CSMD1: variants seen among roughly 807,000 people sequenced by gnomAD.
The protein encoded by CSMD1 is CUB and sushi domain-containing protein 1.
In CSMD1, 213 loss-of-function variants were observed where a neutral mutation model predicts 417.5. The observed-to-expected ratio is 0.51, with a 90% CI of 0.46 to 0.57. The LOEUF is 0.57. CSMD1 is among the 20% of genes least tolerant of loss of function. The pLI is 0.00. For synonymous variants in CSMD1, 2,862 were observed against 1,736.8 expected (o/e 1.65, Z -16.11); for missense variants, 6,923 against 4,529.7 (o/e 1.53, Z -15.17).
intron 3 of CSMD1, among the ~76,000 whole-genome samples, chr8:4,283,474 C>A (rs899458149): frequency 6.6e-6 from 1 of 152,194 alleles, no homozygotes; most frequent in Middle Eastern, 3.2e-3. Context: ...TTTACTCCCA[C>A]TTTGTACCAA....
At chr8:4,444,880 G>A (rs529752478) in intron 2 of CSMD1, among the ~76,000 whole-genome samples, 1 of 152,240 alleles carries the variant, frequency 6.6e-6, no homozygotes, top group African/African-American at 2.4e-5. Context: ...CAAGGTAATT[G>A]ATTGTTCAGA....
chr8:3,774,046 C>A (rs1426515944), intron 5 of CSMD1, among the ~76,000 whole-genome samples: 1 of 152,074 alleles, frequency 6.6e-6, no homozygotes, highest in Non-Finnish European at 1.5e-5. Context: ...CATTCTTGGG[C>A]TTTTGCTATT....
At chr8:3,956,965 G>T (rs187525345) in intron 5 of CSMD1, among the ~76,000 whole-genome samples, 1 of 151,914 alleles carries the variant, frequency 6.6e-6, no homozygotes, top group South Asian at 2.1e-4. Context: ...ATACGGAAAG[G>T]TTGGACCTGT....
intron 10 of CSMD1, among the ~76,000 whole-genome samples, chr8:3,527,857 A>T (rs183833691): frequency 6.6e-6 from 1 of 152,326 alleles, no homozygotes; most frequent in East Asian, 1.9e-4. Context: ...AGAGAGATAC[A>T]TTTAGAAACA....
intron 1 of CSMD1, among the ~76,000 whole-genome samples, chr8:4,862,604 A>T (rs2116879495): frequency 6.6e-6 from 1 of 152,226 alleles, no homozygotes; most frequent in South Asian, 2.1e-4. Flanking sequence ...AAGATAAAAA[A>T]TTGGAATACG....
Position 3,565,174 on chromosome 8 carries a change from A to ATC in CSMD1, c.1344+9770_1344+9771insGA, listed in dbSNP as rs1451922585. On this transcript the variant is annotated intron_variant, in intron 10 of 69. Transcript: ENST00000635120. ...AAAAAAAAAAAAGAGAGAGATCAAG[A>ATC]AAGAAAGAAAGATACATAGATAGAC... Among the ~76,000 whole-genome samples the ATC allele has an allele frequency of 7.4e-4, 34 of 46,106 alleles. 1 individual carries two copies. Among genetic ancestry groups the ATC allele is most frequent in the South Asian group, 1.1e-3 (2 of 1,854 alleles). 30.2% of individuals were successfully genotyped at this position (46,106 alleles called of 152,430 possible).
At chr8:4,746,451 C>G (rs138297815) in intron 1 of CSMD1, among the ~76,000 whole-genome samples, 5 of 152,294 alleles carry the variant, frequency 3.3e-5, no homozygotes, top group African/African-American at 1.2e-4. Context: ...ACTTGCTCAC[C>G]ACAATATCAG....
chr8:4,376,345 A>C (rs532256657), intron 3 of CSMD1, among the ~76,000 whole-genome samples: 6 of 152,318 alleles, frequency 3.9e-5, no homozygotes, highest in African/African-American at 1.4e-4. Flanking sequence ...AGTTACCTAT[A>C]ATCTCAACTC....
intron 26 of CSMD1, among the ~76,000 whole-genome samples, chr8:3,241,261 A>C: frequency 6.7e-6 from 1 of 150,356 alleles, no homozygotes; most frequent in African/African-American, 2.4e-5. Flanking sequence ...CTGGCACCAG[A>C]GTTGGGGAGT....
intron 3 of CSMD1, among the ~76,000 whole-genome samples, chr8:4,325,013 T>C (rs752310353): frequency 2.6e-5 from 4 of 152,144 alleles, no homozygotes; most frequent in African/African-American, 4.8e-5. Flanking sequence ...TGGTCACTCA[T>C]TGAGTGAGTG....
At chr8:4,078,695 G>A (rs1251878815) in intron 3 of CSMD1, among the ~76,000 whole-genome samples, 8 of 149,066 alleles carry the variant, frequency 5.4e-5, no homozygotes, top group Non-Finnish European at 1.0e-4. Flanking sequence ...GCTAATAAAT[G>A]TTTAAAATTA....
chr8:3,106,745 A>G, intron 45 of CSMD1, 104 bp from the exon 46 acceptor site: 1 of 563,832 alleles, frequency 1.8e-6, no homozygotes, highest in African/African-American at 1.9e-5. Flanking sequence ...TCAACTTGCA[A>G]ATCTTTTTAG....
At chr8:3,574,789 T>G (rs1470537993) in intron 10 of CSMD1, among the ~76,000 whole-genome samples, 156 bp downstream of exon 10, 2 of 152,210 alleles carry the variant, frequency 1.3e-5, no homozygotes, top group East Asian at 3.9e-4. Context: ...TGCTCTGCAA[T>G]GAATGTGGCA....
At chr8:4,800,288 G>T (rs547378291) in intron 1 of CSMD1, among the ~76,000 whole-genome samples, 4 of 151,864 alleles carry the variant, frequency 2.6e-5, no homozygotes, top group Admixed American at 2.6e-4. Flanking sequence ...AAAATTAGCT[G>T]GGCATGGTGG....
chr8:3,471,968 C>A (rs371653378), intron 11 of CSMD1, among the ~76,000 whole-genome samples: 3 of 152,044 alleles, frequency 2.0e-5, no homozygotes, highest in Non-Finnish European at 4.4e-5. Flanking sequence ...TTTGGGATTA[C>A]AGGTGATGTC....
At chr8:4,480,474 G>A (rs1004675291) in intron 2 of CSMD1, among the ~76,000 whole-genome samples, 2 of 152,152 alleles carry the variant, frequency 1.3e-5, no homozygotes, top group African/African-American at 2.4e-5. Context: ...AAAAGCAGGG[G>A]CCTCAGCTAG....
chr8:4,527,431 G>A (rs145755788), intron 2 of CSMD1, among the ~76,000 whole-genome samples: 1 of 152,224 alleles, frequency 6.6e-6, no homozygotes, highest in Non-Finnish European at 1.5e-5. Context: ...CCATGCAATT[G>A]CCTTTACCTA....
chr8:4,319,263 A>G (rs1799121055), intron 3 of CSMD1, among the ~76,000 whole-genome samples: 1 of 152,098 alleles, frequency 6.6e-6, no homozygotes, highest in Admixed American at 6.6e-5. Context: ...CTTTCCTTCA[A>G]TTTATCTTAG....
chr8:4,183,530 A>G (rs905123689), intron 3 of CSMD1, among the ~76,000 whole-genome samples: 5 of 152,162 alleles, frequency 3.3e-5, no homozygotes, highest in Non-Finnish European at 7.4e-5. Flanking sequence ...TTACTGGTTT[A>G]TTTGTAATAT....
Sources: gnomAD v4.1 joint callset for allele counts (sites outside exome capture counted in the v4.1 genomes callset) on GRCh38, gnomAD v4.1.1 for gene constraint, MANE v1.5 for transcripts, NCBI Gene and HGNC (gene_info 2026-07-23, HGNC 2026-07-21) for gene names.